Variants in C11orf16 observed in about 807,000 individuals in gnomAD.
The protein encoded by C11orf16 is chromosome 11 open reading frame 16, also known as uncharacterized protein C11orf16.
In C11orf16, 38 loss-of-function variants were observed where a neutral mutation model predicts 45.1. The ratio of observed to expected loss-of-function variants is 0.84; its 90% confidence interval spans 0.65 to 1.10. C11orf16 has a LOEUF of 1.10. Ranked by LOEUF, C11orf16 falls within the 50% of genes least tolerant of loss-of-function variation. The pLI, the probability that C11orf16 is intolerant of heterozygous loss-of-function variation, is 0.00. For synonymous variants in C11orf16, 221 were observed against 222.0 expected, an observed-to-expected ratio of 1.00 and a Z score of 0.04; for missense variants, 583 against 569.5, an observed-to-expected ratio of 1.02 and a Z score of -0.24.
chr11:8,922,414 A>C (rs1234418426), intron 5 of C11orf16, among the ~76,000 whole-genome samples: 2 of 151,998 alleles, frequency 1.3e-5, no homozygotes, highest in South Asian at 4.1e-4. Context: ...AAATAATGGG[A>C]GATGTGACTT....
intron 5 of C11orf16, among the ~76,000 whole-genome samples, chr11:8,923,640 C>G (rs1236367613): frequency 6.6e-5 from 10 of 151,776 alleles, no homozygotes; most frequent in African/African-American, 2.4e-4. Context: ...TTTATTTTTG[C>G]AGACAGAGTC....
At chr11:8,922,277 G>A (rs148075871) in intron 5 of C11orf16, among the ~76,000 whole-genome samples, 1 of 152,266 alleles carries the variant, frequency 6.6e-6, no homozygotes, top group African/African-American at 2.4e-5. Flanking sequence ...GGAGGCTGAG[G>A]TGGGAGGATT....
At chr11:8,928,317 G>GA (rs71452498) in intron 3 of C11orf16, among the ~76,000 whole-genome samples, 14 of 149,084 alleles carry the variant, frequency 9.4e-5, no homozygotes, top group South Asian at 8.5e-4. Flanking sequence ...CTGAAAAAAA[G>GA]AAAAAAAAAA....
intron 1 of C11orf16, among the ~76,000 whole-genome samples, chr11:8,932,676 C>T (rs909551828): frequency 2.6e-5 from 4 of 152,140 alleles, no homozygotes; most frequent in Non-Finnish European, 5.9e-5. Flanking sequence ...AGCAGCTCAA[C>T]TTATGTTAGT....
chr11:8,926,899 G>A (rs2064617697), intron 4 of C11orf16, 41 bp downstream of exon 4: 17 of 1,529,488 alleles, frequency 1.1e-5, no homozygotes, highest in Non-Finnish European at 1.5e-5. Flanking sequence ...TTACAGCCTG[G>A]CTCCTTCTGG....
intron 2 of C11orf16, 133 bp from the exon 3 acceptor site, chr11:8,929,666 T>C (rs548328224): frequency 2.3e-6 from 2 of 868,342 alleles, no homozygotes; most frequent in Middle Eastern, 3.5e-4. Context: ...ATATGGAAAG[T>C]GGCAATCTAT....
In C11orf16 at chr11:8,932,258, C is replaced by T. The variant is rs2064654956; in HGVS notation, c.51G>A (p.Val17=). 1.9e-6 allele frequency: 3 copies of T among 1,611,712 alleles called. No individual in the cohort carries two copies. In the East Asian group the frequency reaches 6.7e-5, roughly 36 times the overall value. ...PRMPLLKYCS[V]ATSLKAPGWD... is the part of the protein sequence containing the mutation. ...AGCCAGGGGCCTTCAGGCTTGTGGC[C>T]ACGCTGCAGTATTTGAGCAAAGGCA... Residue 17 remains valine (V), a synonymous_variant, in exon 2 of 7, where the codon GTG becomes GTA. Transcript: ENST00000326053.
At chr11:8,929,240 A>G (rs1004017415) in intron 3 of C11orf16, 137 bp downstream of exon 3, 21 of 883,784 alleles carry the variant, frequency 2.4e-5, no homozygotes, top group Non-Finnish European at 3.0e-5. Flanking sequence ...TTACATGTTC[A>G]CTTCTACAAC....
rs1052554552 is a variant in C11orf16 at position 8,925,912 on chromosome 11, C to T, written c.755G>A (p.Arg252His). Residue 252 changes from arginine to histidine, a missense_variant, in exon 5 of 7, where the codon CGC becomes CAC. Coordinates refer to ENST00000326053, the MANE Select transcript of C11orf16 (RefSeq NM_020643.3). ...CCSLLGPITG[R>H]ITNELPPDAP... ...ATCCGGAGGAAGCTCATTAGTGATG[C>T]GCCCAGTGATTGGCCCTAGCAGAGA... 12 of 1,614,060 alleles carry T rather than the reference C, an allele frequency of 7.4e-6. No individual in the cohort carries two copies. The highest frequency in any genetic ancestry group is 2.7e-5 in the African/African-American group (2 of 74,912).
intron 5 of C11orf16, 137 bp downstream of exon 5, chr11:8,925,326 C>T: frequency 2.5e-6 from 2 of 807,842 alleles, no homozygotes; most frequent in Admixed American, 2.4e-5. Context: ...TCCTCTTCAG[C>T]ATGACCAGAC....
At chr11:8,929,295 G>C (rs1228571721) in intron 3 of C11orf16, 82 bp downstream of exon 3, 1 of 1,426,808 alleles carries the variant, frequency 7.0e-7, no homozygotes, top group Non-Finnish European at 9.6e-7. Flanking sequence ...CAGCCTGCTA[G>C]ATGTACACAG....
At chr11:8,921,076 G>C (rs370792997) in intron 6 of C11orf16, among the ~76,000 whole-genome samples, 3 of 152,036 alleles carry the variant, frequency 2.0e-5, no homozygotes, top group South Asian at 4.2e-4. Flanking sequence ...TAGAACAGAG[G>C]GTCATTTAAA....
intron 2 of C11orf16, among the ~76,000 whole-genome samples, chr11:8,929,808 T>C (rs78809296): frequency 0.023 from 3,570 of 152,272 alleles, 50 homozygotes; most frequent in Middle Eastern, 0.034. Flanking sequence ...TTCAAGTTAA[T>C]TGATGCTTGT....
chr11:8,931,435 C>A (rs1195060731), intron 2 of C11orf16, among the ~76,000 whole-genome samples: 1 of 152,118 alleles, frequency 6.6e-6, no homozygotes, highest in East Asian at 1.9e-4. Flanking sequence ...GTCACCCAGG[C>A]TGGAGTGCAA....
intron 3 of C11orf16, 90 bp from the exon 4 acceptor site, chr11:8,927,264 G>T: frequency 1.0e-6 from 1 of 976,324 alleles, no homozygotes; most frequent in South Asian, 1.5e-5. Context: ...CCCAAATCAG[G>T]CCCAGGGGCT....
chr11:8,931,029 A>G (rs567781643), intron 2 of C11orf16, among the ~76,000 whole-genome samples: 14 of 152,148 alleles, frequency 9.2e-5, no homozygotes, highest in Non-Finnish European at 2.1e-4. Context: ...TGGAGATGAC[A>G]CGCTCCACAT....
intron 2 of C11orf16, among the ~76,000 whole-genome samples, chr11:8,931,871 A>G (rs1261876437): frequency 6.6e-6 from 1 of 152,198 alleles, no homozygotes; most frequent in Admixed American, 6.5e-5. Context: ...AAACTTGGTA[A>G]CTGGCTATCC....
chr11:8,921,682 A>G (rs2064575484), intron 5 of C11orf16, among the ~76,000 whole-genome samples, 167 bp from the exon 6 acceptor site: 1 of 152,196 alleles, frequency 6.6e-6, no homozygotes, highest in African/African-American at 2.4e-5. Context: ...GCTGGAATGC[A>G]GTGGCATGAT....
chr11:8,924,890 C>T (rs917921403), intron 5 of C11orf16, among the ~76,000 whole-genome samples: 8 of 152,182 alleles, frequency 5.3e-5, no homozygotes, highest in African/African-American at 1.9e-4. Context: ...CAGCTGGAGG[C>T]GATGCAGTGT....
Sources: gnomAD v4.1 joint callset for allele counts (sites outside exome capture counted in the v4.1 genomes callset) on GRCh38, gnomAD v4.1.1 for gene constraint, MANE v1.5 for transcripts, NCBI Gene and HGNC (gene_info 2026-07-23, HGNC 2026-07-21) for gene names.